Variants in DCBLD1 observed in about 807,000 individuals in gnomAD.
DCBLD1 encodes the protein discoidin, CUB and LCCL domain containing 1.
Under a neutral mutation model 71.5 loss-of-function variants are expected in DCBLD1, and 57 were observed. The ratio of observed to expected loss-of-function variants is 0.80; its 90% CI spans 0.64 to 0.99. The LOEUF is 0.99. DCBLD1 is among the 50% of genes least tolerant of loss of function. The probability of loss-of-function intolerance (pLI) is 0.00; values close to 1 mark genes in which losing one functional copy is unlikely to be tolerated. For synonymous variants in DCBLD1, 380 were observed against 363.8 expected (o/e 1.04, Z -0.51); for missense variants, 891 against 923.5 (o/e 0.96, Z 0.46).
At chr6:117,513,172 A>G (rs1778079927) in intron 2 of DCBLD1, among the ~76,000 whole-genome samples, 1 of 152,206 alleles carries the variant, frequency 6.6e-6, no homozygotes, top group African/African-American at 2.4e-5. Flanking sequence ...AGAGGATTTC[A>G]GACTTGGCTT....
intron 1 of DCBLD1, among the ~76,000 whole-genome samples, chr6:117,489,670 G>T (rs933829986): frequency 6.6e-6 from 1 of 152,098 alleles, no homozygotes; most frequent in Non-Finnish European, 1.5e-5. Context: ...GGATCACAAG[G>T]TCAGGAGATC....
At chr6:117,504,323 GT>G (rs1777765784) in intron 2 of DCBLD1, among the ~76,000 whole-genome samples, 1 of 152,152 alleles carries the variant, frequency 6.6e-6, no homozygotes, top group South Asian at 2.1e-4. Flanking sequence ...CATGTTTCAG[GT>G]ACTCTGTCAG....
chr6:117,569,778 A>C (rs774357841), exon 15 of DCBLD1: 24 of 1,525,740 alleles, frequency 1.6e-5, no homozygotes, highest in African/African-American at 4.3e-5. Context: ...ACTCTTTGTA[A>C]GGTACAGTTA....
rs1350348478 is a variant in DCBLD1, at chr6:117,548,885, TATC to T, written c.*447_*449del. The T allele has an allele frequency of 9.9e-7, 1 of 1,008,956 alleles. No homozygotes were observed. Among genetic ancestry groups the T allele is most frequent in the African/African-American group, 1.7e-5 (1 of 57,594 alleles). The allele number at this position is 1,008,956 out of a possible 1,614,324, so 62.5% of individuals were successfully genotyped here. A position where few individuals can be genotyped will look rare whatever the true frequency, so the allele number is the denominator to read the frequency against. On this transcript the variant is annotated 3_prime_UTR_variant, in exon 15 of 15. Coordinates refer to ENST00000338728, the MANE Select transcript of DCBLD1 (RefSeq NM_001366458.2). ...AGTATGTTCATTTTTTTCAGTATAT[TATC>T]TGATACTGTGTTAGCAGCAGGTCTG...
At chr6:117,496,859 T>C (rs549638489) in intron 1 of DCBLD1, among the ~76,000 whole-genome samples, 33 of 152,346 alleles carry the variant, frequency 2.2e-4, no homozygotes, top group Admixed American at 1.8e-3. Context: ...GCATTACATG[T>C]AATAAAATAG....
rs1382890988 is a variant in DCBLD1 at position 117,482,853 on chromosome 6, C to T, written c.72C>T (p.Leu24=). 1 of 1,183,970 alleles carries T rather than the reference C, an allele frequency of 8.4e-7. No homozygotes were observed. Among genetic ancestry groups the T allele is most frequent in the East Asian group, 3.9e-5 (1 of 25,440 alleles). 73.3% of individuals were successfully genotyped at this position (1,183,970 alleles called of 1,614,324 possible). The change falls in exon 1 of 15, where the codon CTC becomes CTT. Residue 24 remains leucine, a synonymous_variant. Transcript: ENST00000338728. The part of the protein sequence containing the change: ...AAGRGLLALL[L]AVSAPLRLQA... Reference sequence around the variant, plus strand: ...GGCGGGGCCTCCTGGCTTTGCTGCTCGCGGTCTCCGCCCCGCTCCGGCTGC... The same window carrying T: ...GGCGGGGCCTCCTGGCTTTGCTGCTTGCGGTCTCCGCCCCGCTCCGGCTGC...
rs766485380 is a variant in DCBLD1 at position 117,548,670 on chromosome 6, A to AG, written c.*232dup. 4.9e-5 allele frequency: 70 copies of AG among 1,415,750 alleles called. No individual in the cohort carries two copies. Among genetic ancestry groups the AG allele is most frequent in the Non-Finnish European group, 6.4e-5 (70 of 1,091,462 alleles). The allele number at this position is 1,415,750 out of a possible 1,614,324, so 87.7% of individuals were successfully genotyped here. A position where few individuals can be genotyped will look rare whatever the true frequency, so the allele number is the denominator to read the frequency against. ...TGCGTCTGTTGGGTTTTGTTGGGCT[A>AG]GAAAAATGAAAATTTTCAGATGGCG... On this transcript the variant is annotated 3_prime_UTR_variant, in exon 15 of 15. Transcript: ENST00000338728.
At chr6:117,489,610 C>T (rs887099193) in intron 1 of DCBLD1, among the ~76,000 whole-genome samples, 7 of 152,226 alleles carry the variant, frequency 4.6e-5, no homozygotes, top group East Asian at 1.9e-4. Context: ...AGAGGCCGGG[C>T]GCCGTGGCTC....
chr6:117,545,638 G>T (rs928981671), intron 14 of DCBLD1, 41 bp downstream of exon 14: 2 of 1,585,434 alleles, frequency 1.3e-6, no homozygotes, highest in East Asian at 2.3e-5. Flanking sequence ...TAGATTGGAG[G>T]TGCTGCTTGT....
intron 3 of DCBLD1, 89 bp from the exon 4 acceptor site, chr6:117,521,436 A>G (rs1778380884): frequency 6.1e-6 from 7 of 1,156,738 alleles, no homozygotes; most frequent in Non-Finnish European, 8.6e-6. Context: ...GCTTTTTAAA[A>G]ACTCTTTTAT....
chr6:117,548,558 G>A lies in DCBLD1; in HGVS notation c.*119G>A. 6.8e-7 allele frequency: 1 copy of A among 1,473,764 alleles called. No homozygotes were observed. Among genetic ancestry groups the A allele is most frequent in the Non-Finnish European group, 8.9e-7 (1 of 1,117,700 alleles). 91.3% of individuals were successfully genotyped at this position (1,473,764 alleles called of 1,614,324 possible). The stretch of plus-strand genomic sequence containing the variant: ...TATCGGTGTGTGTGTACACTTGCAT[G>A]TGTGTGTGTGATCCAGTAGGATCCT... On this transcript the variant is annotated 3_prime_UTR_variant, in exon 15 of 15. Coordinates refer to ENST00000338728, the MANE Select transcript of DCBLD1 (RefSeq NM_001366458.2).
Position 117,540,808 on chromosome 6 carries a change from T to TAC in DCBLD1, c.1246_1247dup (p.Gln416HisfsTer40), listed in dbSNP as rs1562459911. 3 of 1,614,224 alleles carry TAC rather than the reference T, an allele frequency of 1.9e-6. No homozygotes were observed. In the South Asian group the frequency reaches 3.3e-5, roughly 18 times the overall value. On this transcript the variant is annotated frameshift_variant, in exon 10 of 15. Transcript: ENST00000338728. LOFTEE classifies it high-confidence loss of function. ...AGGTGGAGCTCATTGGTTGCCAGAT[T>TAC]ACACAAGGTAGGGCTCAGGGCAAGC...
rs550315883 is a variant in DCBLD1, at chr6:117,540,959, A to G, written c.1291A>G (p.Ser431Gly). ...LVWRKTSQST[S>G]VSTKKEDETI... ...GTGGCGCAAGACAAGTCAAAGCACCAGTGTTTCAACTAAGAAAGAAGATGA... is the reference window on the plus strand; with the variant it reads ...GTGGCGCAAGACAAGTCAAAGCACCGGTGTTTCAACTAAGAAAGAAGATGA... Residue 431 changes from serine to glycine, a missense_variant, in exon 11 of 15, where the codon AGT becomes GGT. Transcript: ENST00000338728. The G allele has an allele frequency of 1.3e-5, 21 of 1,614,008 alleles. No homozygotes were observed. In the African/African-American group the frequency reaches 2.3e-4, roughly 17 times the overall value.
chr6:117,496,865 A>C (rs1299950333), intron 1 of DCBLD1, among the ~76,000 whole-genome samples: 1 of 152,206 alleles, frequency 6.6e-6, no homozygotes, highest in Non-Finnish European at 1.5e-5. Flanking sequence ...CATGTAATAA[A>C]ATAGTGGTAT....
intron 14 of DCBLD1, chr6:117,566,928 A>C: frequency 1.2e-6 from 2 of 1,611,648 alleles, no homozygotes; most frequent in South Asian, 2.2e-5. Context: ...TAACTCATCA[A>C]GGTACAAACG....
At chr6:117,486,273 A>G (rs538601785) in intron 1 of DCBLD1, among the ~76,000 whole-genome samples, 22 of 152,350 alleles carry the variant, frequency 1.4e-4, no homozygotes, top group Admixed American at 1.2e-3. Context: ...GTGTTAAAGC[A>G]GGGAAAAAAA....
At chr6:117,555,363 A>G (rs1464238665) in intron 14 of DCBLD1, among the ~76,000 whole-genome samples, 2 of 151,874 alleles carry the variant, frequency 1.3e-5, no homozygotes, top group African/African-American at 4.8e-5. Flanking sequence ...CTGAAAAATC[A>G]GGGTTTTTTT....
At chr6:117,525,307 T>A (rs1354627237) in intron 4 of DCBLD1, 55 bp from the exon 5 acceptor site, 4 of 1,309,778 alleles carry the variant, frequency 3.1e-6, no homozygotes, top group Non-Finnish European at 4.0e-6. Context: ...TACAGTTTAA[T>A]TTTTTTGGTT....
At chr6:117,489,886 A>G (rs975045090) in intron 1 of DCBLD1, among the ~76,000 whole-genome samples, 2 of 152,088 alleles carry the variant, frequency 1.3e-5, no homozygotes, top group South Asian at 2.1e-4. Flanking sequence ...CTCCGTCTCA[A>G]AAAAAAAGAA....
Sources: gnomAD v4.1 joint callset for allele counts (sites outside exome capture counted in the v4.1 genomes callset) on GRCh38, gnomAD v4.1.1 for gene constraint, MANE v1.5 for transcripts, NCBI Gene and HGNC (gene_info 2026-07-23, HGNC 2026-07-21) for gene names.